The following ANK2 variants were observed in gnomAD, a reference collection of about 807,000 sequenced individuals.
The protein encoded by ANK2 is ankyrin 2.
Under a neutral mutation model 360.5 loss-of-function variants are expected in ANK2, and 83 were observed. The ratio of observed to expected loss-of-function variants is 0.23; its 90% CI spans 0.19 to 0.28. The LOEUF (loss-of-function observed/expected upper bound fraction) is 0.28. Ranked by LOEUF, ANK2 falls within the 10% of genes least tolerant of loss-of-function variation. The pLI is 1.00. For synonymous variants in ANK2, 1,740 were observed against 1,759.5 expected (o/e 0.99, Z 0.28); for missense variants, 4,201 against 4,795.7 (o/e 0.88, Z 3.66).
chr4:112,894,563 A>G (rs2081180664), intron 1 of ANK2, among the ~76,000 whole-genome samples: 1 of 152,220 alleles, frequency 6.6e-6, no homozygotes. Context: ...GAGGAACTAA[A>G]CATTTATCTG....
At chr4:113,060,916 T>A (rs2072978253) in intron 1 of ANK2, among the ~76,000 whole-genome samples, 1 of 152,064 alleles carries the variant, frequency 6.6e-6, no homozygotes, top group Non-Finnish European at 1.5e-5. Flanking sequence ...TAGCATAGCC[T>A]CTCTAATATA....
At chr4:112,833,397 A>G (rs919542229) in intron 1 of ANK2, among the ~76,000 whole-genome samples, 1 of 152,242 alleles carries the variant, frequency 6.6e-6, no homozygotes, top group Non-Finnish European at 1.5e-5. Flanking sequence ...TCAAAATTAG[A>G]GTAGTTTAAG....
chr4:112,983,245 CTTA>C (rs1378276971), intron 2 of ANK2, among the ~76,000 whole-genome samples: 1 of 151,936 alleles, frequency 6.6e-6, no homozygotes, highest in African/African-American at 2.4e-5. Context: ...TAGATTCTTT[CTTA>C]TTTTCTAATT....
intron 2 of ANK2, among the ~76,000 whole-genome samples, chr4:113,007,456 A>G (rs1171975642): frequency 6.6e-6 from 1 of 152,146 alleles, no homozygotes; most frequent in Non-Finnish European, 1.5e-5. Flanking sequence ...CCCAAATACG[A>G]TGTTCTTAGG....
chr4:113,376,984 G>A (rs977334014), intron 45 of ANK2, among the ~76,000 whole-genome samples: 1 of 151,628 alleles, frequency 6.6e-6, no homozygotes, highest in African/African-American at 2.4e-5. Context: ...GCCTTATTCT[G>A]CAATACCTCC....
intron 2 of ANK2, among the ~76,000 whole-genome samples, chr4:112,999,279 T>C (rs943461206): frequency 1.3e-5 from 2 of 152,230 alleles, no homozygotes; most frequent in Non-Finnish European, 2.9e-5. Context: ...TATAATACTT[T>C]ATTTTTGTGT....
chr4:112,935,710 C>T (rs777658811), intron 2 of ANK2, among the ~76,000 whole-genome samples: 4 of 152,116 alleles, frequency 2.6e-5, no homozygotes, highest in East Asian at 1.9e-4. Context: ...GGTGTGGTGG[C>T]GCACACCTGT....
chr4:113,196,602 A>T, intron 3 of ANK2, 136 bp downstream of exon 3: 1 of 818,492 alleles, frequency 1.2e-6, no homozygotes, highest in Non-Finnish European at 2.0e-6. Flanking sequence ...ATCACGGCTC[A>T]CCGAAACCTC....
intron 2 of ANK2, among the ~76,000 whole-genome samples, chr4:112,983,695 G>C (rs1425717765): frequency 6.6e-6 from 1 of 151,788 alleles, no homozygotes; most frequent in Non-Finnish European, 1.5e-5. Context: ...AAAAGTGCTA[G>C]ACAAAAAGAA....
At chr4:112,919,201 T>C (rs562680416) in intron 2 of ANK2, among the ~76,000 whole-genome samples, 1 of 152,176 alleles carries the variant, frequency 6.6e-6, no homozygotes, top group Non-Finnish European at 1.5e-5. Context: ...GATGGATTTA[T>C]AGGTGATAGT....
upstream of ANK2, among the ~76,000 whole-genome samples, chr4:113,047,493 T>C (rs533787526): frequency 2.6e-5 from 4 of 152,236 alleles, no homozygotes; most frequent in Admixed American, 2.0e-4. Flanking sequence ...GTGTCCAAGC[T>C]GAGGCTGCTC....
intron 2 of ANK2, among the ~76,000 whole-genome samples, chr4:112,994,271 G>C (rs759177234): frequency 1.3e-5 from 2 of 152,174 alleles, no homozygotes; most frequent in Non-Finnish European, 2.9e-5. Context: ...TACTATCTGG[G>C]AGACAGCAAC....
chr4:112,991,621 T>TC (rs2046864033), intron 2 of ANK2, among the ~76,000 whole-genome samples: 1 of 145,384 alleles, frequency 6.9e-6, no homozygotes, highest in African/African-American at 2.5e-5. Flanking sequence ...CTTTCTTTCT[T>TC]TTTTTTTTTT....
At chr4:112,780,146 C>T in the ANK2 span, among the ~76,000 whole-genome samples, 1 of 150,428 alleles carries the variant, frequency 6.6e-6, no homozygotes, top group Non-Finnish European at 1.5e-5. Context: ...AAGATTGCGC[C>T]ACTGCACTCT....
chr4:113,129,001 A>G (rs1168755494), intron 1 of ANK2, among the ~76,000 whole-genome samples: 1 of 152,202 alleles, frequency 6.6e-6, no homozygotes, highest in Non-Finnish European at 1.5e-5. Flanking sequence ...GGCTGATTTG[A>G]GTAAGAACAG....
At position 113,278,528 on chromosome 4, in the gene ANK2, G is replaced by A. The variant is rs767885745; in HGVS notation, c.1851G>A (p.Glu617=). Residue 617 remains glutamate (E), a synonymous_variant, in exon 17 of 46, where the codon GAG becomes GAA. Transcript: ENST00000357077. The part of the protein sequence containing the change: ...DNQKVALLLL[E]KGASPHATAK... ...AGAAGGTGGCGCTGCTGTTACTGGA[G>A]AAGGGTGCTTCCCCTCATGCCACTG... 8 of 1,613,992 alleles carry A rather than the reference G, an allele frequency of 5.0e-6. No homozygotes were observed. Among genetic ancestry groups the A allele is most frequent in the Non-Finnish European group, 6.8e-6 (8 of 1,179,934 alleles).
intron 1 of ANK2, among the ~76,000 whole-genome samples, chr4:113,069,662 T>C (rs2076861363): frequency 6.6e-6 from 1 of 152,216 alleles, no homozygotes; most frequent in Non-Finnish European, 1.5e-5. Flanking sequence ...TACTAAACTT[T>C]TCCACAAAAG....
chr4:113,251,598 T>G (rs1415485420), intron 10 of ANK2, among the ~76,000 whole-genome samples: 1 of 146,074 alleles, frequency 6.8e-6, no homozygotes, highest in Admixed American at 7.1e-5. Context: ...TTCTCTTGCC[T>G]CAGCCTCCCG....
chr4:113,179,491 T>C (rs2098337390), intron 2 of ANK2, among the ~76,000 whole-genome samples: 1 of 152,218 alleles, frequency 6.6e-6, no homozygotes, highest in African/African-American at 2.4e-5. Context: ...TTAAATGATA[T>C]GGGGAAAATT....
Sources: gnomAD v4.1 joint callset for allele counts (sites outside exome capture counted in the v4.1 genomes callset) on GRCh38, gnomAD v4.1.1 for gene constraint, MANE v1.5 for transcripts, NCBI Gene and HGNC (gene_info 2026-07-23, HGNC 2026-07-21) for gene names.